PACRG: variants seen among roughly 807,000 people sequenced by gnomAD.
PACRG encodes the protein parkin coregulated gene protein.
A neutral mutation model predicts 29.7 loss-of-function variants in PACRG; 29 were observed. The observed-to-expected ratio is 0.98, with a 90% CI of 0.73 to 1.33. The LOEUF (loss-of-function observed/expected upper bound fraction) is 1.33. Among genes scored for constraint, PACRG ranks in the 40% most tolerant of loss-of-function variants. The pLI, the probability that PACRG is intolerant of heterozygous loss-of-function variation, is 0.00. For missense variants in PACRG, 279 were observed against 316.2 expected, an observed-to-expected ratio of 0.88 and a Z score of 0.89; for synonymous variants, 116 against 118.7, an observed-to-expected ratio of 0.98 and a Z score of 0.15.
chr6:162,749,016 A>C (rs966655872), intron 1 of PACRG, among the ~76,000 whole-genome samples: 1 of 152,228 alleles, frequency 6.6e-6, no homozygotes. Context: ...TAGAGTTTAC[A>C]TAAATCAAAT....
chr6:163,223,131 T>C (rs575642923), intron 4 of PACRG, among the ~76,000 whole-genome samples: 2 of 152,290 alleles, frequency 1.3e-5, no homozygotes, highest in South Asian at 4.2e-4. Flanking sequence ...CGATGGCTCG[T>C]GCCTGTAATA....
At chr6:163,231,815 C>T (rs1207744997) in intron 4 of PACRG, among the ~76,000 whole-genome samples, 1 of 152,166 alleles carries the variant, frequency 6.6e-6, no homozygotes, top group Non-Finnish European at 1.5e-5. Flanking sequence ...CATACAGGTG[C>T]AAGAGCCTCT....
intron 2 of PACRG, among the ~76,000 whole-genome samples, chr6:162,825,158 G>T (rs562778647): frequency 6.6e-6 from 1 of 152,012 alleles, no homozygotes; most frequent in Non-Finnish European, 1.5e-5. Flanking sequence ...TCTACATATT[G>T]TGGCAATCCC....
chr6:162,852,005 G>GAGGAAGGAAGGAAGGAAGGAAGGA (rs749750362), intron 2 of PACRG, among the ~76,000 whole-genome samples: 18 of 116,100 alleles, frequency 1.6e-4, no homozygotes, highest in African/African-American at 5.5e-4. Context: ...GGGAGGGAGG[G>GAGGAAGGAAGGAAGGAAGGAAGGA]AGGAAGGAAG....
intron 4 of PACRG, among the ~76,000 whole-genome samples, chr6:163,147,751 T>G (rs1339900270): frequency 6.6e-6 from 1 of 152,182 alleles, no homozygotes; most frequent in Non-Finnish European, 1.5e-5. Flanking sequence ...GCCTAGACCT[T>G]CCTCTTGCAC....
intron 1 of PACRG, among the ~76,000 whole-genome samples, chr6:162,791,314 T>G (rs1784925846): frequency 6.6e-6 from 1 of 150,384 alleles, no homozygotes; most frequent in Admixed American, 6.6e-5. Flanking sequence ...TTTGTTTGTT[T>G]TTTTTTTTTT....
chr6:162,737,222 C>T, intron 1 of PACRG, among the ~76,000 whole-genome samples: 1 of 152,244 alleles, frequency 6.6e-6, no homozygotes, highest in South Asian at 2.1e-4. Context: ...CCTCATCTGC[C>T]AGTGTTGAGG....
chr6:162,766,975 T>C (rs1024361301), intron 1 of PACRG, among the ~76,000 whole-genome samples: 1 of 152,096 alleles, frequency 6.6e-6, no homozygotes, highest in African/African-American at 2.4e-5. Context: ...TTGGCCCGTG[T>C]GTTATTTTGA....
intron 2 of PACRG, among the ~76,000 whole-genome samples, chr6:163,018,588 G>A (rs908830872): frequency 6.6e-6 from 1 of 152,130 alleles, no homozygotes; most frequent in African/African-American, 2.4e-5. Flanking sequence ...TTGTCAAAAA[G>A]CCTGATGACA....
intron 4 of PACRG, among the ~76,000 whole-genome samples, chr6:163,297,960 A>C (rs1289596424): frequency 6.6e-6 from 1 of 152,192 alleles, no homozygotes; most frequent in East Asian, 1.9e-4. Context: ...TGCATTGCTT[A>C]ACACAATCCC....
At chr6:163,184,784 G>A (rs1024904769) in intron 4 of PACRG, 7 of 152,076 alleles carry the variant, frequency 4.6e-5, no homozygotes, top group African/African-American at 1.7e-4. Flanking sequence ...AGAAACCTAC[G>A]TACAGGCACC....
chr6:163,034,774 G>T (rs1366350953), intron 2 of PACRG, among the ~76,000 whole-genome samples: 1 of 152,136 alleles, frequency 6.6e-6, no homozygotes, highest in Non-Finnish European at 1.5e-5. Flanking sequence ...AATGTTACAG[G>T]GAAGGGGTCC....
chr6:162,754,963 C>A (rs994661118), intron 1 of PACRG, among the ~76,000 whole-genome samples: 2 of 152,122 alleles, frequency 1.3e-5, no homozygotes, highest in Non-Finnish European at 2.9e-5. Context: ...CTTATTCAAT[C>A]TCTTTACTTA....
chr6:163,289,738 C>T (rs959355324), intron 4 of PACRG, among the ~76,000 whole-genome samples: 4 of 152,108 alleles, frequency 2.6e-5, no homozygotes, highest in African/African-American at 4.8e-5. Flanking sequence ...AAATGAAGAC[C>T]GGGAGTGGGG....
chr6:163,189,670 C>A (rs1780112182), intron 4 of PACRG: 1 of 152,224 alleles, frequency 6.6e-6, no homozygotes, highest in South Asian at 2.1e-4. Context: ...AGCCCTCCAA[C>A]AAATTAATTC....
intron 1 of PACRG, among the ~76,000 whole-genome samples, chr6:162,785,871 A>T (rs1163601561): frequency 6.6e-6 from 1 of 152,204 alleles, no homozygotes; most frequent in African/African-American, 2.4e-5. Flanking sequence ...ACCATGTAGG[A>T]TAACAAACAA....
chr6:162,901,184 G>A (rs574945471), intron 2 of PACRG, among the ~76,000 whole-genome samples: 109 of 152,282 alleles, frequency 7.2e-4, no homozygotes, highest in Middle Eastern at 3.4e-3. Flanking sequence ...GGGCTACATC[G>A]GCTCTAGGAG....
At chr6:162,836,946 T>C (rs1406403916) in intron 2 of PACRG, among the ~76,000 whole-genome samples, 1 of 152,194 alleles carries the variant, frequency 6.6e-6, no homozygotes, top group Non-Finnish European at 1.5e-5. Flanking sequence ...TCCAGTCCTT[T>C]CTTTCTATTA....
chr6:162,758,924 T>C (rs1282051728), intron 1 of PACRG, among the ~76,000 whole-genome samples: 1 of 152,198 alleles, frequency 6.6e-6, no homozygotes, highest in African/African-American at 2.4e-5. Context: ...CACTAAAAAA[T>C]GACATGATTT....
Sources: gnomAD v4.1 joint callset for allele counts (sites outside exome capture counted in the v4.1 genomes callset) on GRCh38, gnomAD v4.1.1 for gene constraint, MANE v1.5 for transcripts, NCBI Gene and HGNC (gene_info 2026-07-23, HGNC 2026-07-21) for gene names.